The following WWOX variants were observed in gnomAD, a reference collection of about 807,000 sequenced individuals.
The protein encoded by WWOX is WW domain-containing oxidoreductase.
In WWOX, 69 loss-of-function variants were observed where a neutral mutation model predicts 46.2. The ratio of observed to expected loss-of-function variants is 1.49; its 90% CI spans 1.23 to 1.82. WWOX has a LOEUF of 1.82. WWOX is among the 40% of genes most tolerant of loss of function. The pLI is 0.00. For missense variants in WWOX, 919 were observed against 542.6 expected, an observed-to-expected ratio of 1.69 and a Z score of -6.89; for synonymous variants, 359 against 202.6, an observed-to-expected ratio of 1.77 and a Z score of -6.56.
At chr16:78,921,098 G>A (rs1395448012) in intron 8 of WWOX, among the ~76,000 whole-genome samples, 1 of 151,760 alleles carries the variant, frequency 6.6e-6, no homozygotes, top group East Asian at 1.9e-4. Flanking sequence ...GTAGCAAGGG[G>A]GAAAAAAAGA....
intron 8 of WWOX, among the ~76,000 whole-genome samples, chr16:78,484,825 G>A (rs764916264): frequency 2.6e-5 from 4 of 152,162 alleles, no homozygotes; most frequent in South Asian, 2.1e-4. Context: ...AAGATGGGTG[G>A]GGTGGGGGGA....
intron 6 of WWOX, among the ~76,000 whole-genome samples, chr16:78,403,741 A>G (rs2082465566): frequency 6.6e-6 from 1 of 152,254 alleles, no homozygotes; most frequent in Admixed American, 6.5e-5. Context: ...GTCAAAGACA[A>G]AGTTTTCAGT....
chr16:78,587,448 A>G (rs1441338167), intron 8 of WWOX, among the ~76,000 whole-genome samples: 1 of 152,114 alleles, frequency 6.6e-6, no homozygotes, highest in Non-Finnish European at 1.5e-5. Flanking sequence ...ACAGATTTTT[A>G]TCATCATCCC....
intron 8 of WWOX, among the ~76,000 whole-genome samples, chr16:79,164,512 G>A (rs544691801): frequency 3.3e-5 from 5 of 152,226 alleles, no homozygotes; most frequent in African/African-American, 2.4e-5. Context: ...AGGCCACCAG[G>A]CATCAGCGCT....
chr16:78,498,868 T>G (rs1484851816), intron 8 of WWOX, among the ~76,000 whole-genome samples: 2 of 32,562 alleles, frequency 6.1e-5, no homozygotes, highest in African/African-American at 7.7e-5. Context: ...TACTGGTCTG[T>G]TTTTTTTCCT....
At position 78,782,200 on chromosome 16, in the gene WWOX, A is replaced by C. The variant is rs1274054966; in HGVS notation, c.1056+349448A>C. ...TCACCCTGTCCTTCCTCTTCAGGCC[A>C]CCTATCCCTTCCGATTGACCCCACT... is the stretch of plus-strand genomic sequence containing the variant. On this transcript the variant is annotated intron_variant, in intron 8 of 8. Coordinates refer to ENST00000566780, the MANE Select transcript of WWOX (RefSeq NM_016373.4). Among the ~76,000 whole-genome samples, 3 of 151,912 alleles carry C rather than the reference A, an allele frequency of 2.0e-5. No homozygotes were observed. In the East Asian group the frequency reaches 5.8e-4, roughly 29 times the overall value.
At chr16:79,188,475 C>A (rs915584235) in intron 8 of WWOX, among the ~76,000 whole-genome samples, 4 of 152,176 alleles carry the variant, frequency 2.6e-5, no homozygotes, top group Non-Finnish European at 5.9e-5. Context: ...AATGTCAGGA[C>A]CAGTAGGAGG....
At chr16:78,241,840 C>G (rs928085257) in intron 5 of WWOX, among the ~76,000 whole-genome samples, 5 of 152,200 alleles carry the variant, frequency 3.3e-5, no homozygotes, top group Non-Finnish European at 5.9e-5. Flanking sequence ...GGTCACTGCT[C>G]CCCTTCTTGT....
At chr16:78,385,162 A>ACACACACACACACACACACACACACAC (rs1567540757) in intron 5 of WWOX, among the ~76,000 whole-genome samples, 11 of 30,752 alleles carry the variant, frequency 3.6e-4, no homozygotes, top group African/African-American at 2.2e-3. Context: ...CACACACACA[A>ACACACACACACACACACACACACACAC]AAGCACAGGG....
At chr16:78,548,164 A>G (rs2044087994) in intron 8 of WWOX, among the ~76,000 whole-genome samples, 1 of 72,664 alleles carries the variant, frequency 1.4e-5, no homozygotes, top group African/African-American at 3.3e-5. Context: ...AAAAAAAAAA[A>G]AAAAAAAAAA....
chr16:78,984,068 C>T (rs922857323), intron 8 of WWOX, among the ~76,000 whole-genome samples: 1 of 151,872 alleles, frequency 6.6e-6, no homozygotes, highest in Admixed American at 6.6e-5. Flanking sequence ...TTAGTAGAGA[C>T]AGGGTTTCAC....
intron 8 of WWOX, among the ~76,000 whole-genome samples, chr16:78,511,223 C>G (rs1045461989): frequency 6.6e-6 from 1 of 152,176 alleles, no homozygotes; most frequent in Non-Finnish European, 1.5e-5. Context: ...GTTACCTCCC[C>G]CTCCCCAGCG....
intron 8 of WWOX, among the ~76,000 whole-genome samples, chr16:79,044,947 G>A (rs1341790669): frequency 6.6e-6 from 1 of 152,120 alleles, no homozygotes; most frequent in African/African-American, 2.4e-5. Flanking sequence ...AATAATCAAT[G>A]AGATAATGTG....
intron 8 of WWOX, among the ~76,000 whole-genome samples, chr16:78,936,173 G>C (rs995068867): frequency 1.3e-5 from 2 of 151,998 alleles, no homozygotes; most frequent in African/African-American, 4.8e-5. Context: ...AATAGAGAAG[G>C]CAAGATGAGA....
chr16:78,369,989 A>G (rs72796031), intron 5 of WWOX, among the ~76,000 whole-genome samples: 8,011 of 151,960 alleles, frequency 0.053, 281 homozygotes, highest in East Asian at 0.12. Flanking sequence ...AAAAATAGCC[A>G]GGTGTCCTGG....
In WWOX at chr16:79,004,640, C is replaced by G. The variant is rs563246152; in HGVS notation, c.1057-206968C>G. On this transcript the variant is annotated intron_variant, in intron 8 of 8. Coordinates refer to ENST00000566780, the MANE Select transcript of WWOX (RefSeq NM_016373.4). ...TGCTTTTGAAGCCCGTACGTTCGGT[C>G]CACGCCAACTCCTGTTTATACTGGT... The G allele has an allele frequency of 2.6e-5, 4 of 152,382 alleles. No individual in the cohort carries two copies. In the South Asian group the frequency reaches 8.3e-4, roughly 32 times the overall value. 9.4% of individuals were successfully genotyped at this position (152,382 alleles called of 1,614,324 possible).
intron 5 of WWOX, among the ~76,000 whole-genome samples, chr16:78,196,309 T>C (rs1402631993): frequency 6.6e-6 from 1 of 152,238 alleles, no homozygotes; most frequent in Admixed American, 6.5e-5. Flanking sequence ...ACATTTCATA[T>C]TTTACATGAT....
intron 8 of WWOX, among the ~76,000 whole-genome samples, chr16:78,669,112 C>T (rs1193278841): frequency 6.6e-6 from 1 of 152,034 alleles, no homozygotes; most frequent in African/African-American, 2.4e-5. Flanking sequence ...CCAAAACCAC[C>T]TCCGTTGCTG....
intron 8 of WWOX, among the ~76,000 whole-genome samples, chr16:78,877,956 A>C (rs950342838): frequency 2.0e-5 from 3 of 152,162 alleles, no homozygotes; most frequent in Admixed American, 6.5e-5. Flanking sequence ...TTCAATTGCA[A>C]ATCCCCTCTT....
Sources: allele counts gnomAD v4.1 joint callset (sites outside exome capture counted in the v4.1 genomes callset), GRCh38; gene constraint gnomAD v4.1.1; transcripts MANE v1.5; gene names NCBI Gene and HGNC (gene_info 2026-07-23, HGNC 2026-07-21).